The following OPHN1 variants were observed in gnomAD, a reference collection of about 807,000 sequenced individuals.
OPHN1 encodes oligophrenin 1, also known as oligophrenin-1.
Under a neutral mutation model 60.7 loss-of-function variants are expected in OPHN1, and 11 were observed. That is an observed-to-expected ratio of 0.18 (90% CI 0.11 to 0.30). The LOEUF (loss-of-function observed/expected upper bound fraction) is 0.30, where lower values mean the gene tolerates loss of function less well. Among genes scored for constraint, OPHN1 ranks in the 10% least tolerant of loss-of-function variants. OPHN1 has a pLI of 1.00. For missense variants in OPHN1, 449 were observed against 611.0 expected (o/e 0.73, Z 2.80); for synonymous variants, 226 against 222.6 (o/e 1.02, Z -0.14).
chrX:68,158,987 G>A (rs2077322476), intron 15 of OPHN1, among the ~76,000 whole-genome samples: 1 of 111,510 alleles, frequency 9.0e-6, no homozygotes, highest in South Asian at 3.8e-4. Context: ...ACGGGTTACT[G>A]TTTTTACCCA....
In OPHN1 at chrX:68,257,531, T is replaced by C. The variant is rs368117560; in HGVS notation, c.384+17207A>G. 2.8e-4 allele frequency among the ~76,000 whole-genome samples: 31 copies of C among 111,510 alleles called. No homozygotes were observed. In the East Asian group the frequency reaches 3.1e-3, roughly 11 times the overall value. ...GGGGGATAAAATCTTCACAGGGTACTGTAAAAATTAGATGGCAGTATAGAC... is the reference window on the plus strand; with the variant it reads ...GGGGGATAAAATCTTCACAGGGTACCGTAAAAATTAGATGGCAGTATAGAC... On this transcript the variant is annotated intron_variant, in intron 5 of 24. Coordinates refer to ENST00000355520, the MANE Select transcript of OPHN1 (RefSeq NM_002547.3).
At chrX:68,332,063 GA>G (rs1275442381) in intron 2 of OPHN1, among the ~76,000 whole-genome samples, 1 of 110,087 alleles carries the variant, frequency 9.1e-6, no homozygotes, top group Admixed American at 9.8e-5. Context: ...AAATAAATAA[GA>G]AAAAAGAATG....
intron 5 of OPHN1, among the ~76,000 whole-genome samples, chrX:68,272,852 G>A (rs1241048663): frequency 8.9e-6 from 1 of 112,378 alleles, no homozygotes; most frequent in Non-Finnish European, 1.9e-5. Context: ...ATTCTTATAA[G>A]GGAATGAAAG....
chrX:68,209,041 C>A, intron 9 of OPHN1, among the ~76,000 whole-genome samples: 1 of 112,249 alleles, frequency 8.9e-6, no homozygotes, highest in African/African-American at 3.2e-5. Flanking sequence ...ATTTCACTAC[C>A]GTAGTGTCAT....
chrX:68,266,422 CA>C (rs1219661911), intron 5 of OPHN1, among the ~76,000 whole-genome samples: 1 of 111,121 alleles, frequency 9.0e-6, no homozygotes, highest in Non-Finnish European at 1.9e-5. Context: ...CATATCCAGC[CA>C]AACTAAGCTT....
intron 6 of OPHN1, among the ~76,000 whole-genome samples, chrX:68,223,842 AG>A (rs748780334): frequency 1.1e-4 from 12 of 111,755 alleles, no homozygotes; most frequent in Non-Finnish European, 1.9e-4. Flanking sequence ...AAAACTACCA[AG>A]GAAAAATATT....
At chrX:68,333,453 T>C (rs1466964629) in intron 2 of OPHN1, among the ~76,000 whole-genome samples, 1 of 109,935 alleles carries the variant, frequency 9.1e-6, no homozygotes, top group East Asian at 2.9e-4. Flanking sequence ...CTGGACAACA[T>C]GGCGAAAACC....
At chrX:68,052,731 A>C in intron 22 of OPHN1, 141 bp from the exon 23 acceptor site, 1 of 540,971 alleles carries the variant, frequency 1.8e-6, no homozygotes, top group Non-Finnish European at 3.2e-6. Context: ...GGCCCTACAC[A>C]TACAAATGTG....
At chrX:68,098,733 T>C (rs2077046948) in intron 18 of OPHN1, among the ~76,000 whole-genome samples, 1 of 111,593 alleles carries the variant, frequency 9.0e-6, no homozygotes, top group Non-Finnish European at 1.9e-5. Context: ...AATGGAAAAG[T>C]ATCTCCATGC....
chrX:68,345,739 C>T (rs1316422132), intron 2 of OPHN1, among the ~76,000 whole-genome samples: 1 of 111,793 alleles, frequency 8.9e-6, no homozygotes. Flanking sequence ...GCCTGTAGTC[C>T]CAGATACAAT....
At chrX:68,401,407 A>G (rs1218112942) in intron 2 of OPHN1, among the ~76,000 whole-genome samples, 1 of 112,124 alleles carries the variant, frequency 8.9e-6, no homozygotes, top group African/African-American at 3.2e-5. Flanking sequence ...AGAAAGCTAA[A>G]TAAAACTCTA....
At chrX:68,055,058 C>T (rs1012480137) in intron 21 of OPHN1, among the ~76,000 whole-genome samples, 2 of 111,824 alleles carry the variant, frequency 1.8e-5, no homozygotes, top group East Asian at 5.6e-4. Context: ...AATCAAGGCC[C>T]TCCTTGAGCT....
intron 2 of OPHN1, among the ~76,000 whole-genome samples, chrX:68,427,677 C>T (rs2078866665): frequency 9.1e-6 from 1 of 109,676 alleles, no homozygotes; most frequent in Non-Finnish European, 1.9e-5. Context: ...GTTGCTTCCC[C>T]AGGAAAGCCC....
intron 2 of OPHN1, among the ~76,000 whole-genome samples, chrX:68,311,491 G>T (rs2078172875): frequency 9.0e-6 from 1 of 111,675 alleles, no homozygotes; most frequent in Admixed American, 9.5e-5. Context: ...GGAGTGCAGT[G>T]ATGCAATCTG....
chrX:68,313,884 C>T (rs12390847), intron 2 of OPHN1, among the ~76,000 whole-genome samples: 7,634 of 111,342 alleles, frequency 0.069, 656 homozygotes, highest in African/African-American at 0.24. Flanking sequence ...AAATGCTTGA[C>T]ATGATTGAAT....
chrX:68,104,183 A>G (rs1302241536), intron 18 of OPHN1, among the ~76,000 whole-genome samples: 1 of 111,814 alleles, frequency 8.9e-6, no homozygotes, highest in Admixed American at 9.5e-5. Flanking sequence ...ACAAATGGAA[A>G]AACATTCCAT....
At chrX:68,294,724 G>A (rs2078086562) in intron 3 of OPHN1, among the ~76,000 whole-genome samples, 1 of 110,831 alleles carries the variant, frequency 9.0e-6, no homozygotes, top group Admixed American at 9.7e-5. Context: ...GTAGCTGTGT[G>A]GTACCTTCCA....
In OPHN1 at chrX:68,205,180, G is replaced by A. The variant is rs1441329445; in HGVS notation, c.933+1393C>T. Among the ~76,000 whole-genome samples, 39 of 111,477 alleles carry A rather than the reference G, an allele frequency of 3.5e-4. 1 individual carries two copies. The Admixed American group carries it at 3.6e-3, about 10-fold the overall frequency. ...TAAAAGCACAGTAACTGGCACCGTG[G>A]CTCACACGTGTAATCCCAGCAATTT... On this transcript the variant is annotated intron_variant, in intron 10 of 24. Coordinates refer to ENST00000355520, the MANE Select transcript of OPHN1 (RefSeq NM_002547.3).
At chrX:68,071,164 G>A in intron 20 of OPHN1, 1 of 729,212 alleles carries the variant, frequency 1.4e-6, no homozygotes, top group Non-Finnish European at 2.2e-6. Flanking sequence ...GGGTCGCTAT[G>A]GGCTCTCCAA....
Sources: allele counts gnomAD v4.1 joint callset (sites outside exome capture counted in the v4.1 genomes callset), GRCh38; gene constraint gnomAD v4.1.1; transcripts MANE v1.5; gene names NCBI Gene and HGNC (gene_info 2026-07-23, HGNC 2026-07-21).